The following PCDH15 variants were observed in gnomAD, a reference collection of about 807,000 sequenced individuals.
The protein encoded by PCDH15 is protocadherin-15.
Under a neutral mutation model 178.5 loss-of-function variants are expected in PCDH15, and 129 were observed. The observed-to-expected ratio is 0.72, with a 90% CI of 0.63 to 0.84. The LOEUF is 0.84. Among genes scored for constraint, PCDH15 ranks in the 40% least tolerant of loss-of-function variants. The probability of loss-of-function intolerance (pLI) is 0.00; values close to 1 mark genes in which losing one functional copy is unlikely to be tolerated. For synonymous variants in PCDH15, 800 were observed against 732.0 expected (o/e 1.09, Z -1.50); for missense variants, 2,230 against 2,099.9 (o/e 1.06, Z -1.21).
intron 2 of PCDH15, among the ~76,000 whole-genome samples, chr10:55,056,019 T>G (rs10825451): frequency 6.6e-6 from 1 of 151,848 alleles, no homozygotes; most frequent in East Asian, 1.9e-4. Context: ...ATTTCTTCCC[T>G]TCTCCATTGT....
intron 3 of PCDH15, among the ~76,000 whole-genome samples, chr10:54,422,904 A>C (rs1190729293): frequency 6.6e-6 from 1 of 152,206 alleles, no homozygotes; most frequent in Non-Finnish European, 1.5e-5. Context: ...TTCTTAAAAA[A>C]TAGAAAACGT....
intron 2 of PCDH15, among the ~76,000 whole-genome samples, chr10:55,375,781 T>C (rs1837383196): frequency 1.3e-5 from 2 of 152,024 alleles, no homozygotes; most frequent in South Asian, 4.1e-4. Flanking sequence ...CCTACCTAAT[T>C]AACACTTTCT....
intron 26 of PCDH15, among the ~76,000 whole-genome samples, chr10:53,898,626 C>T (rs947517853): frequency 1.3e-5 from 2 of 152,092 alleles, no homozygotes; most frequent in African/African-American, 4.8e-5. Flanking sequence ...TGACATGAGC[C>T]TTCAAATTAT....
intron 26 of PCDH15, among the ~76,000 whole-genome samples, chr10:53,870,470 T>C (rs1366773291): frequency 2.0e-5 from 3 of 152,190 alleles, no homozygotes; most frequent in African/African-American, 7.2e-5. Flanking sequence ...TTTCTTTGAA[T>C]GAATATGATA....
In PCDH15 at chr10:55,289,519, TA is replaced by T. The variant is rs902263455; in HGVS notation, c.-156+30079del. Among the ~76,000 whole-genome samples the T allele has an allele frequency of 1.4e-3, 205 of 150,700 alleles. 4 individuals are homozygous for T. The highest frequency in any genetic ancestry group is 0.013 in the South Asian group (61 of 4,750). ...AGAAGGAAAGAAGAAAGAAAAGTGT[TA>T]AAAAAAAGACCAAAGGAAGAAGAGA... On this transcript the variant is annotated intron_variant, in intron 1 of 5. Coordinates refer to the PCDH15 transcript ENST00000458638.
intron 3 of PCDH15, among the ~76,000 whole-genome samples, chr10:54,865,773 GA>G (rs980398249): frequency 5.2e-4 from 79 of 151,110 alleles, no homozygotes; most frequent in African/African-American, 1.7e-3. Context: ...TGTTAAATTA[GA>G]AAAAAAAACA....
At chr10:55,011,039 G>C (rs1328099237) in intron 2 of PCDH15, among the ~76,000 whole-genome samples, 3 of 151,920 alleles carry the variant, frequency 2.0e-5, no homozygotes, top group Non-Finnish European at 4.4e-5. Flanking sequence ...TTTTGAAGAG[G>C]AATAACTGAA....
intron 1 of PCDH15, among the ~76,000 whole-genome samples, chr10:54,706,131 C>T (rs867198326): frequency 6.6e-6 from 1 of 152,150 alleles, no homozygotes; most frequent in Non-Finnish European, 1.5e-5. Flanking sequence ...CATTCATCAC[C>T]TCCAGAGTAA....
At chr10:54,408,068 A>AG (rs1029834287) in intron 3 of PCDH15, among the ~76,000 whole-genome samples, 1 of 151,436 alleles carries the variant, frequency 6.6e-6, no homozygotes, top group Admixed American at 6.6e-5. Context: ...AAAAAAAAAA[A>AG]AAGGAAAAGG....
intron 2 of PCDH15, among the ~76,000 whole-genome samples, chr10:55,436,784 T>C (rs917517688): frequency 6.6e-6 from 1 of 152,224 alleles, no homozygotes; most frequent in African/African-American, 2.4e-5. Context: ...CAGTTAGGTA[T>C]ATTTTGTAAT....
intron 2 of PCDH15, among the ~76,000 whole-genome samples, chr10:55,037,483 C>T (rs991004290): frequency 3.3e-5 from 5 of 152,138 alleles, no homozygotes; most frequent in East Asian, 1.9e-4. Flanking sequence ...GCGCCCATCT[C>T]GGACTCCCAA....
rs549868516 is a variant in PCDH15 at position 54,437,068 on chromosome 10, A to G, written c.158-58126T>C. The stretch of plus-strand genomic sequence containing the variant: ...CCTCCCTTGTCACACCTGTCTAATT[A>G]GCACGGACTCTAAATTGAGGAGGGG... On this transcript the variant is annotated intron_variant, in intron 3 of 37. Transcript: ENST00000644397. 1.0e-3 allele frequency among the ~76,000 whole-genome samples: 159 copies of G among 152,284 alleles called. 2 individuals carry two copies. Among genetic ancestry groups the G allele is most frequent in the Non-Finnish European group, 1.7e-3 (114 of 68,022 alleles).
chr10:54,556,654 A>T (rs369579948), intron 2 of PCDH15, among the ~76,000 whole-genome samples: 5 of 137,496 alleles, frequency 3.6e-5, no homozygotes, highest in East Asian at 2.1e-4. Context: ...TAGGGGGTGA[A>T]TTTTTTTTTT....
At chr10:54,079,712 A>G (rs2094405831) in intron 16 of PCDH15, among the ~76,000 whole-genome samples, 2 of 152,310 alleles carry the variant, frequency 1.3e-5, no homozygotes, top group South Asian at 2.1e-4. Flanking sequence ...GAAGAACAGT[A>G]TCTATCTTGT....
chr10:54,080,447 C>A (rs1325414110), intron 16 of PCDH15, among the ~76,000 whole-genome samples: 1 of 152,044 alleles, frequency 6.6e-6, no homozygotes, highest in South Asian at 2.1e-4. Context: ...TAACAAGTAT[C>A]CACTGTGTAG....
At chr10:54,961,325 C>T (rs2131884355) in intron 2 of PCDH15, among the ~76,000 whole-genome samples, 1 of 152,314 alleles carries the variant, frequency 6.6e-6, no homozygotes, top group East Asian at 1.9e-4. Flanking sequence ...AGGCTGGGGA[C>T]TGAGGGTGAC....
chr10:54,741,809 G>T (rs117433169), intron 1 of PCDH15, among the ~76,000 whole-genome samples: 3 of 151,600 alleles, frequency 2.0e-5, no homozygotes, highest in Admixed American at 6.6e-5. Flanking sequence ...TTCTCTCTTC[G>T]ACTTCAAAAG....
chr10:55,158,060 A>ATGTGTGTGTGTG (rs769091362), intron 2 of PCDH15, among the ~76,000 whole-genome samples: 7,662 of 131,608 alleles, frequency 0.058, 281 homozygotes, highest in African/African-American at 0.1. Context: ...AATCACACAA[A>ATGTGTGTGTGTG]TATGTGTGTA....
At chr10:54,683,248 G>A (rs1452890417) in intron 1 of PCDH15, among the ~76,000 whole-genome samples, 9 of 151,884 alleles carry the variant, frequency 5.9e-5, no homozygotes, top group African/African-American at 2.2e-4. Flanking sequence ...TGGCTTTAAG[G>A]ACATTCACAT....
Sources: allele counts gnomAD v4.1 joint callset (sites outside exome capture counted in the v4.1 genomes callset), GRCh38; gene constraint gnomAD v4.1.1; transcripts MANE v1.5; gene names NCBI Gene and HGNC (gene_info 2026-07-23, HGNC 2026-07-21).